Variants in GGA2 observed in about 807,000 individuals in gnomAD.
GGA2 encodes golgi associated, gamma adaptin ear containing, ARF binding protein 2, also known as ADP-ribosylation factor-binding protein GGA2.
Under a neutral mutation model 79.5 loss-of-function variants are expected in GGA2, and 48 were observed. The ratio of observed to expected loss-of-function variants is 0.60; its 90% CI spans 0.48 to 0.77. GGA2 has a LOEUF of 0.77. Among genes scored for constraint, GGA2 ranks in the 30% least tolerant of loss-of-function variants. The probability of loss-of-function intolerance (pLI) is 0.00; values close to 1 mark genes in which losing one functional copy is unlikely to be tolerated. For synonymous variants in GGA2, 317 were observed against 302.0 expected (o/e 1.05, Z -0.51); for missense variants, 770 against 774.0 (o/e 0.99, Z 0.06).
Position 23,479,802 on chromosome 16 carries a change from C to T in GGA2, c.1092G>A (p.Val364=). ...VDNGPAQMGT[V]VPSLLHQDLA... ...GGTCCTGATGAAGCAAAGATGGCAC[C>T]ACAGTCCCCATCTGCGCAGGTCCAT... is the stretch of plus-strand genomic sequence containing the variant. Residue 364 remains valine (V), a synonymous_variant, in exon 11 of 17, where the codon GTG becomes GTA. Coordinates refer to ENST00000309859, the MANE Select transcript of GGA2 (RefSeq NM_015044.4). The T allele has an allele frequency of 6.2e-7, 1 of 1,614,176 alleles. No homozygotes were observed. Among genetic ancestry groups the T allele is most frequent in the Non-Finnish European group, 8.5e-7 (1 of 1,180,018 alleles).
chr16:23,493,617 G>A (rs1210461020), intron 3 of GGA2, 159 bp from the exon 4 acceptor site: 2 of 601,428 alleles, frequency 3.3e-6, no homozygotes, highest in Admixed American at 2.9e-5. Context: ...GACGTTTTCA[G>A]ATCAAGAAAA....
At chr16:23,476,375 T>C (rs575169302) in intron 13 of GGA2, among the ~76,000 whole-genome samples, 32 of 152,228 alleles carry the variant, frequency 2.1e-4, no homozygotes, top group Admixed American at 2.0e-3. Flanking sequence ...TAAGCTGCAC[T>C]TTTCCAGAGG....
At chr16:23,515,100 A>G (rs113940012), upstream of GGA2, among the ~76,000 whole-genome samples, 2,225 of 151,822 alleles carry the variant, frequency 0.015, 23 homozygotes, top group South Asian at 0.02. Flanking sequence ...AAGAAATAAG[A>G]TAAGTGCCTA....
intron 1 of GGA2, among the ~76,000 whole-genome samples, chr16:23,497,940 C>T (rs978755596): frequency 1.3e-5 from 2 of 152,094 alleles, no homozygotes; most frequent in Non-Finnish European, 2.9e-5. Flanking sequence ...TTGAGACCAG[C>T]CTGAGCAACA....
At chr16:23,497,784 A>G (rs1357521598) in intron 1 of GGA2, among the ~76,000 whole-genome samples, 7 of 152,048 alleles carry the variant, frequency 4.6e-5, no homozygotes, top group Non-Finnish European at 1.0e-4. Flanking sequence ...CTCCAGCTAC[A>G]CCCATTAGTC....
At chr16:23,522,391 T>C (rs1965153392), upstream of GGA2, 1 of 152,902 alleles carries the variant, frequency 6.5e-6, no homozygotes, top group African/African-American at 2.4e-5. Context: ...CGGCTGTAGT[T>C]CATGTGTCGC....
In GGA2 at chr16:23,478,482, C is replaced by A. The variant is rs751719704; in HGVS notation, c.1178G>T (p.Cys393Phe). ...GGAGGAGGGATTCCTCTTTTCCTCACAGCAATTCTGACCAGAAACCTGTCA... is the reference window on the plus strand; with the variant it reads ...GGAGGAGGGATTCCTCTTTTCCTCAAAGCAATTCTGACCAGAAACCTGTCA... ...VTGMVSGQNC[C>F]EEKRNPSSST... The change falls in exon 13 of 17, where the codon TGT (cysteine) becomes TTT (phenylalanine). Residue 393 changes from cysteine (C) to phenylalanine (F), a missense_variant. Transcript: ENST00000309859. 2 of 1,608,544 alleles carry A rather than the reference C, an allele frequency of 1.2e-6. No homozygotes were observed. Among genetic ancestry groups the A allele is most frequent in the Admixed American group, 3.4e-5 (2 of 59,652 alleles).
intron 2 of GGA2, 38 bp downstream of exon 2, chr16:23,495,655 GC>G: frequency 8.8e-7 from 1 of 1,136,918 alleles, no homozygotes; most frequent in Non-Finnish European, 1.3e-6. Flanking sequence ...AGTGTGGGGT[GC>G]CCCCAGAGTC....
Position 23,478,867 on chromosome 16 carries a change from G to A in GGA2, c.1158+16C>T. The A allele has an allele frequency of 6.3e-7, 1 of 1,587,028 alleles. No homozygotes were observed. Among genetic ancestry groups the A allele is most frequent in the Non-Finnish European group, 8.6e-7 (1 of 1,156,328 alleles). ...CCTCCCATTCTCTCTCCGGGCCCTG[G>A]GAAGGGCATCCTTACCATGCCTGTA... is the stretch of plus-strand genomic sequence containing the variant. On this transcript the variant is annotated intron_variant, in intron 12 of 16. Coordinates refer to ENST00000309859, the MANE Select transcript of GGA2 (RefSeq NM_015044.4).
chr16:23,497,217 T>C (rs2142136410), intron 1 of GGA2, among the ~76,000 whole-genome samples: 1 of 152,216 alleles, frequency 6.6e-6, no homozygotes, highest in South Asian at 2.1e-4. Flanking sequence ...GCAGCTCTTT[T>C]AGGCTCTGGA....
chr16:23,501,187 T>A, intron 1 of GGA2: 1 of 446,766 alleles, frequency 2.2e-6, no homozygotes, highest in Non-Finnish European at 4.5e-6. Flanking sequence ...TGTACTCTTT[T>A]TCAAGTCATA....
intron 10 of GGA2, 162 bp downstream of exon 10, chr16:23,480,483 T>G: frequency 1.7e-6 from 1 of 603,282 alleles, no homozygotes; most frequent in South Asian, 2.4e-5. Context: ...ACAATTCCTA[T>G]GGCTGGGTGT....
intron 14 of GGA2, 81 bp downstream of exon 14, chr16:23,474,823 C>T (rs1964556000): frequency 9.3e-7 from 1 of 1,075,130 alleles, no homozygotes; most frequent in East Asian, 2.4e-5. Flanking sequence ...CCACCTCTAT[C>T]AAACTGGAGT....
rs778508745 is a variant in GGA2 at position 23,479,740 on chromosome 16, G to A, written c.1129+25C>T. The A allele has an allele frequency of 2.5e-6, 4 of 1,612,848 alleles. No individual in the cohort carries two copies. In the Admixed American group the frequency reaches 6.7e-5, roughly 27 times the overall value. ...CCCTACTCGCACCCATCCTGTGCCT[G>A]CTCCCCACAAGCACCTGCCCTCACC... On this transcript the variant is annotated intron_variant, in intron 11 of 16. Coordinates refer to ENST00000309859, the MANE Select transcript of GGA2 (RefSeq NM_015044.4).
chr16:23,518,554 ATC>A (rs1965116778), intron 2 of GGA2, among the ~76,000 whole-genome samples: 1 of 152,216 alleles, frequency 6.6e-6, no homozygotes, highest in African/African-American at 2.4e-5. Flanking sequence ...CATGTCAGTC[ATC>A]TGTCCCCAGC....
At chr16:23,478,344 A>G (rs1189377404) in intron 13 of GGA2, 24 bp downstream of exon 13, 3 of 1,546,698 alleles carry the variant, frequency 1.9e-6, no homozygotes, top group African/African-American at 2.7e-5. Context: ...ACACTCTCCC[A>G]CTCCCCTTGC....
upstream of GGA2, chr16:23,510,557 C>CT (rs908704270): frequency 7.7e-6 from 3 of 389,604 alleles, no homozygotes; most frequent in Admixed American, 4.5e-5. Flanking sequence ...CCCCAGGCCC[C>CT]CCCTCCACGC....
At chr16:23,513,149 A>G (rs1282370665), upstream of GGA2, among the ~76,000 whole-genome samples, 1 of 152,198 alleles carries the variant, frequency 6.6e-6, no homozygotes, top group African/African-American at 2.4e-5. Flanking sequence ...CAGTTTGCCA[A>G]GGACCATCCT....
At chr16:23,519,349 A>G (rs1470497491) in intron 2 of GGA2, among the ~76,000 whole-genome samples, 3 of 152,150 alleles carry the variant, frequency 2.0e-5, no homozygotes, top group Non-Finnish European at 2.9e-5. Context: ...AGCCCTGGAA[A>G]AGATACTCTC....
Sources: allele counts gnomAD v4.1 joint callset (sites outside exome capture counted in the v4.1 genomes callset), GRCh38; gene constraint gnomAD v4.1.1; transcripts MANE v1.5; gene names NCBI Gene and HGNC (gene_info 2026-07-23, HGNC 2026-07-21).